NAV2: variants seen among roughly 807,000 people sequenced by gnomAD.
The protein encoded by NAV2 is neuron navigator 2, also known as helicase, APC down-regulated 1.
A neutral mutation model predicts 223.2 loss-of-function variants in NAV2; 54 were observed. The ratio of observed to expected loss-of-function variants is 0.24; its 90% confidence interval spans 0.19 to 0.30. The LOEUF is 0.30. Among genes scored for constraint, NAV2 ranks in the 10% least tolerant of loss-of-function variants. The pLI is 1.00. For synonymous variants in NAV2, 1,279 were observed against 1,239.3 expected, an observed-to-expected ratio of 1.03 and a Z score of -0.67; for missense variants, 2,806 against 3,147.5, an observed-to-expected ratio of 0.89 and a Z score of 2.60.
At position 20,035,996 on chromosome 11, in the gene NAV2, G is replaced by A. The variant is rs1780116452; in HGVS notation, c.2806G>A (p.Asp936Asn). The A allele has an allele frequency of 8.1e-6, 13 of 1,614,056 alleles. No individual in the cohort carries two copies. The highest frequency in any genetic ancestry group is 7.6e-6 in the Non-Finnish European group (9 of 1,180,032). ...CAGCTCCGTCAGCAGCGGCATCAGC[G>A]ACACCATAGACAACCTCAGCACTGA... The part of the protein sequence containing the change: ...DSSSVSSGIS[D>N]TIDNLSTDDI... The change falls in exon 12 of 38, where the codon GAC (aspartate) becomes AAC (asparagine). Residue 936 changes from aspartate to asparagine, a missense_variant. By Grantham distance (23) the Asp-to-Asn change is conservative. Coordinates refer to ENST00000349880, the MANE Select transcript of NAV2 (RefSeq NM_145117.5).
chr11:19,925,637 A>G (rs760790540), intron 6 of NAV2, among the ~76,000 whole-genome samples: 2 of 151,786 alleles, frequency 1.3e-5, no homozygotes, highest in Non-Finnish European at 2.9e-5. Context: ...TAATCCCACT[A>G]TTCAGGAGGC....
At position 19,972,687 on chromosome 11, in the gene NAV2, T is replaced by G. The variant is rs199672023; in HGVS notation, c.2646-11438T>G. Among the ~76,000 whole-genome samples, 10 of 152,312 alleles carry G rather than the reference T, an allele frequency of 6.6e-5. No individual in the cohort carries two copies. The East Asian group carries it at 1.2e-3, about 18-fold the overall frequency. ...TTCAAGATGCTATGGGAGGCTTTCT[T>G]TCTCTAAGGAGCCTTTTCTGGCCTC... On this transcript the variant is annotated intron_variant, in intron 10 of 37. Coordinates refer to ENST00000349880, the MANE Select transcript of NAV2 (RefSeq NM_145117.5).
At chr11:19,909,889 A>G (rs932943185) in intron 6 of NAV2, among the ~76,000 whole-genome samples, 2 of 152,158 alleles carry the variant, frequency 1.3e-5, no homozygotes, top group Non-Finnish European at 2.9e-5. Flanking sequence ...TTATAAAGTT[A>G]TTTATAAGGC....
chr11:19,591,407 T>C (rs1237987159), intron 1 of NAV2: 1 of 152,236 alleles, frequency 6.6e-6, no homozygotes, highest in East Asian at 1.9e-4. Context: ...CATTGCCCTT[T>C]GTGCAGTGTG....
At chr11:19,845,053 C>T (rs1308494546) in intron 3 of NAV2, among the ~76,000 whole-genome samples, 1 of 152,020 alleles carries the variant, frequency 6.6e-6, no homozygotes, top group Non-Finnish European at 1.5e-5. Context: ...TGTTCTTGCC[C>T]CTACATCACA....
chr11:19,823,877 T>A (rs2059518403), intron 1 of NAV2, among the ~76,000 whole-genome samples: 1 of 150,154 alleles, frequency 6.7e-6, no homozygotes. Flanking sequence ...GTAACAAACC[T>A]GCACGTTCTA....
rs190971270 is a variant in NAV2 at position 19,821,344 on chromosome 11, A to T, written c.268-11140A>T. 1.9e-3 allele frequency among the ~76,000 whole-genome samples: 291 copies of T among 150,960 alleles called. 1 individual carries two copies. The highest frequency in any genetic ancestry group is 3.3e-3 in the Non-Finnish European group (221 of 67,844). On this transcript the variant is annotated intron_variant, in intron 1 of 37. Coordinates refer to ENST00000349880, the MANE Select transcript of NAV2 (RefSeq NM_145117.5). ...AGGTGTGGATGAAGCAGGCACCTAC[A>T]CCCTCATCCTTAAAATATCACCTGT... is the stretch of plus-strand genomic sequence containing the variant.
intron 1 of NAV2, among the ~76,000 whole-genome samples, chr11:19,533,255 G>A (rs1358554680): frequency 1.3e-5 from 2 of 151,990 alleles, no homozygotes; most frequent in African/African-American, 4.8e-5. Flanking sequence ...TTGTGATGGA[G>A]GACTGTCCTG....
chr11:19,920,097 G>T (rs1591245548), intron 6 of NAV2, among the ~76,000 whole-genome samples: 1 of 152,044 alleles, frequency 6.6e-6, no homozygotes, highest in Non-Finnish European at 1.5e-5. Context: ...TTGCACCACT[G>T]CACTCCATCC....
At chr11:19,768,505 A>G (rs1214268986) in intron 1 of NAV2, among the ~76,000 whole-genome samples, 1 of 152,058 alleles carries the variant, frequency 6.6e-6, no homozygotes, top group Non-Finnish European at 1.5e-5. Context: ...AAGAGGTAGA[A>G]GAAGTATTGA....
chr11:19,579,957 CCAAA>C (rs1278764960), intron 1 of NAV2, among the ~76,000 whole-genome samples: 6 of 152,304 alleles, frequency 3.9e-5, no homozygotes, highest in African/African-American at 7.2e-5. Flanking sequence ...GGCATGGGGA[CCAAA>C]CAGTCTTTGA....
At chr11:19,593,673 T>A (rs891900923) in intron 1 of NAV2, among the ~76,000 whole-genome samples, 1 of 152,198 alleles carries the variant, frequency 6.6e-6, no homozygotes, top group African/African-American at 2.4e-5. Flanking sequence ...AATGTGTGAG[T>A]GATTCAGTGT....
chr11:19,575,304 G>C (rs147408974), intron 1 of NAV2: 10 of 154,456 alleles, frequency 6.5e-5, no homozygotes, highest in African/African-American at 2.4e-4. Flanking sequence ...TGATGGGCAG[G>C]TGGAAGCATG....
In NAV2 at chr11:19,416,579, G is replaced by T. The variant is rs546976832; in HGVS notation, c.75+65552G>T. On this transcript the variant is annotated intron_variant, in intron 1 of 37. Coordinates refer to the NAV2 transcript ENST00000360655. ...CAAGCTACCATTGACTTTCTTCACA[G>T]AATTAGAAAAAAACTACTTTAAATT... Among the ~76,000 whole-genome samples the T allele has an allele frequency of 2.0e-5, 3 of 152,198 alleles. No homozygotes were observed. The South Asian group carries it at 6.2e-4, about 32-fold the overall frequency.
intron 1 of NAV2, among the ~76,000 whole-genome samples, chr11:19,740,254 G>C (rs1293306746): frequency 6.6e-6 from 1 of 152,160 alleles, no homozygotes; most frequent in African/African-American, 2.4e-5. Flanking sequence ...CAGGTAAAGG[G>C]GACATTGTGG....
At chr11:20,009,561 A>G (rs1655063646) in intron 11 of NAV2, among the ~76,000 whole-genome samples, 1 of 152,184 alleles carries the variant, frequency 6.6e-6, no homozygotes, top group Admixed American at 6.5e-5. Flanking sequence ...ATTGGGAAGC[A>G]GAGCTGGAGT....
intron 1 of NAV2, among the ~76,000 whole-genome samples, chr11:19,414,460 C>T (rs1326030582): frequency 6.6e-6 from 1 of 152,110 alleles, no homozygotes; most frequent in African/African-American, 2.4e-5. Flanking sequence ...TCTTAGAGAC[C>T]TACAAAGAGA....
intron 6 of NAV2, among the ~76,000 whole-genome samples, chr11:19,917,304 G>A (rs891135873): frequency 6.6e-5 from 10 of 152,162 alleles, no homozygotes; most frequent in African/African-American, 2.4e-5. Flanking sequence ...TTCACAGCAA[G>A]CATTTCATAT....
At chr11:19,923,956 G>A (rs1389238124) in intron 6 of NAV2, among the ~76,000 whole-genome samples, 1 of 152,106 alleles carries the variant, frequency 6.6e-6, no homozygotes, top group African/African-American at 2.4e-5. Flanking sequence ...TAAAGAATAG[G>A]CATGTCTTAT....
Sources: allele counts gnomAD v4.1 joint callset (sites outside exome capture counted in the v4.1 genomes callset), GRCh38; gene constraint gnomAD v4.1.1; transcripts MANE v1.5; gene names NCBI Gene and HGNC (gene_info 2026-07-23, HGNC 2026-07-21).